The following DPP10 variants were observed in gnomAD, a reference collection of about 807,000 sequenced individuals.
The protein encoded by DPP10 is dipeptidyl peptidase like 10.
In DPP10, 33 loss-of-function variants were observed where a neutral mutation model predicts 120.9. That is an observed-to-expected ratio of 0.27 (90% CI 0.21 to 0.37). DPP10 has a LOEUF of 0.37. Ranked by LOEUF, DPP10 falls within the 10% of genes least tolerant of loss-of-function variation. DPP10 has a pLI of 1.00. For missense variants in DPP10, 816 were observed against 942.8 expected (o/e 0.87, Z 1.76); for synonymous variants, 337 against 326.1 (o/e 1.03, Z -0.36).
rs936197288 is a variant in DPP10, at chr2:114,618,942, C to T, written c.60+176104C>T. The stretch of plus-strand genomic sequence containing the variant: ...TAATTTCTACATCACTCTTAATGTA[C>T]AGAATTAAGGTCCAGAGTCAAGTCT... On this transcript the variant is annotated intron_variant, in intron 1 of 25. Transcript: ENST00000410059. 2.0e-5 allele frequency among the ~76,000 whole-genome samples: 3 copies of T among 151,950 alleles called. 1 individual carries two copies. Among genetic ancestry groups the T allele is most frequent in the African/African-American group, 7.2e-5 (3 of 41,388 alleles).
chr2:114,734,576 C>T (rs748593814), intron 1 of DPP10, among the ~76,000 whole-genome samples: 15 of 152,186 alleles, frequency 9.9e-5, no homozygotes, highest in Non-Finnish European at 2.2e-4. Flanking sequence ...TGTGCTCTGA[C>T]CACCTTGGAC....
At chr2:114,538,263 A>G (rs1016920392) in intron 1 of DPP10, among the ~76,000 whole-genome samples, 6 of 152,186 alleles carry the variant, frequency 3.9e-5, no homozygotes, top group African/African-American at 1.4e-4. Flanking sequence ...TGATGAACAG[A>G]GAAGAAAGAA....
intron 1 of DPP10, among the ~76,000 whole-genome samples, chr2:115,067,834 C>G (rs1452118362): frequency 7.0e-6 from 1 of 141,990 alleles, no homozygotes; most frequent in Non-Finnish European, 1.5e-5. Flanking sequence ...TGCACTCCAG[C>G]CTGGGCGACA....
At chr2:115,016,419 A>G (rs1702640236) in intron 1 of DPP10, among the ~76,000 whole-genome samples, 1 of 152,214 alleles carries the variant, frequency 6.6e-6, no homozygotes. Context: ...AAACCTAGGC[A>G]ATACCATTCA....
chr2:115,353,201 A>G (rs112651728), intron 3 of DPP10, among the ~76,000 whole-genome samples: 1 of 152,080 alleles, frequency 6.6e-6, no homozygotes, highest in African/African-American at 2.4e-5. Flanking sequence ...AAAAGATAAA[A>G]TTCAGTCGCA....
intron 1 of DPP10, among the ~76,000 whole-genome samples, chr2:115,004,284 A>C (rs574069738): frequency 2.0e-5 from 3 of 152,354 alleles, no homozygotes; most frequent in Non-Finnish European, 4.4e-5. Context: ...ACAGTGATCT[A>C]TAATACATTT....
At chr2:114,916,477 C>T (rs13001558) in intron 1 of DPP10, among the ~76,000 whole-genome samples, 61,791 of 152,084 alleles carry the variant, frequency 0.41, 13,984 homozygotes, top group East Asian at 0.63. Flanking sequence ...TTCTATGAGG[C>T]CAGCATTGTT....
chr2:114,873,012 T>A (rs569212205), intron 1 of DPP10, among the ~76,000 whole-genome samples: 1 of 152,318 alleles, frequency 6.6e-6, no homozygotes, highest in African/African-American at 2.4e-5. Context: ...GCACCCTGTA[T>A]TAAATCACAA....
At chr2:114,749,600 T>A (rs1194398748) in intron 1 of DPP10, among the ~76,000 whole-genome samples, 2 of 150,694 alleles carry the variant, frequency 1.3e-5, no homozygotes, top group African/African-American at 4.9e-5. Context: ...TTTATTTTAT[T>A]TTTTGAGACA....
chr2:115,797,488 G>C (rs1684673677), intron 19 of DPP10, among the ~76,000 whole-genome samples: 1 of 152,020 alleles, frequency 6.6e-6, no homozygotes, highest in Non-Finnish European at 1.5e-5. Flanking sequence ...GGGTGAAAGA[G>C]ATAGCTTGTT....
chr2:115,698,324 G>A (rs977566197), intron 7 of DPP10, among the ~76,000 whole-genome samples: 31 of 152,094 alleles, frequency 2.0e-4, no homozygotes, highest in African/African-American at 7.5e-4. Flanking sequence ...TAAAATGAAA[G>A]CACAACATAC....
At chr2:115,739,447 C>T (rs561982865) in intron 8 of DPP10, among the ~76,000 whole-genome samples, 1 of 152,144 alleles carries the variant, frequency 6.6e-6, no homozygotes, top group East Asian at 1.9e-4. Flanking sequence ...ACTCTTCAAT[C>T]ACCGTTCTCA....
At chr2:115,408,290 G>C (rs2068682278) in intron 3 of DPP10, among the ~76,000 whole-genome samples, 1 of 152,042 alleles carries the variant, frequency 6.6e-6, no homozygotes, top group African/African-American at 2.4e-5. Context: ...ACTTCCTGAG[G>C]CTCCACCCCA....
intron 1 of DPP10, among the ~76,000 whole-genome samples, chr2:115,217,579 C>T (rs889584592): frequency 1.3e-5 from 2 of 152,212 alleles, no homozygotes; most frequent in South Asian, 2.1e-4. Context: ...ATGAAGTATG[C>T]CACTTCTTTA....
chr2:115,297,337 C>A, intron 1 of DPP10: 1 of 327,266 alleles, frequency 3.1e-6, no homozygotes. Flanking sequence ...GCAGACCAGG[C>A]TGCCAAGTTT....
intron 1 of DPP10, among the ~76,000 whole-genome samples, chr2:114,687,390 T>G (rs770680512): frequency 1.3e-5 from 2 of 151,972 alleles, no homozygotes. Context: ...ACATGTTGGA[T>G]TTACTTGGGA....
At chr2:115,119,586 T>C (rs1410795144) in intron 1 of DPP10, among the ~76,000 whole-genome samples, 1 of 152,212 alleles carries the variant, frequency 6.6e-6, no homozygotes, top group Admixed American at 6.5e-5. Context: ...TAGTATGTTC[T>C]GTGAGTCTTG....
intron 1 of DPP10, among the ~76,000 whole-genome samples, chr2:115,016,257 G>T (rs1276249108): frequency 6.6e-6 from 1 of 152,140 alleles, no homozygotes; most frequent in African/African-American, 2.4e-5. Context: ...AATGGGGAAA[G>T]GATTCCCTAT....
chr2:115,162,408 C>A, intron 1 of DPP10: 1 of 1,257,508 alleles, frequency 8.0e-7, no homozygotes, highest in Non-Finnish European at 1.1e-6. Context: ...TCCTGACGGC[C>A]GCTCACCGGG....
Sources: gnomAD v4.1 joint callset for allele counts (sites outside exome capture counted in the v4.1 genomes callset) on GRCh38, gnomAD v4.1.1 for gene constraint, MANE v1.5 for transcripts, NCBI Gene and HGNC (gene_info 2026-07-23, HGNC 2026-07-21) for gene names.